Variants in SEMA5A observed in about 807,000 individuals in gnomAD.
SEMA5A encodes the protein semaphorin-5A.
In SEMA5A, 55 loss-of-function variants were observed where a neutral mutation model predicts 135.5. The observed-to-expected ratio is 0.41, with a 90% CI of 0.33 to 0.51. SEMA5A has a LOEUF of 0.51. SEMA5A is among the 20% of genes least tolerant of loss of function. The probability of loss-of-function intolerance (pLI) is 0.37; values close to 1 mark genes in which losing one functional copy is unlikely to be tolerated. For missense variants in SEMA5A, 1,290 were observed against 1,419.9 expected (o/e 0.91, Z 1.47); for synonymous variants, 580 against 546.5 (o/e 1.06, Z -0.85).
intron 13 of SEMA5A, among the ~76,000 whole-genome samples, chr5:9,130,700 T>G (rs1345293973): frequency 6.6e-6 from 1 of 152,234 alleles, no homozygotes; most frequent in African/African-American, 2.4e-5. Context: ...CTTAGTTCTC[T>G]TTTCTTTCTC....
At position 9,036,071 on chromosome 5, in the gene SEMA5A, A is replaced by G. The variant is rs1735639663; in HGVS notation, c.*6826T>C. The G allele has an allele frequency of 6.6e-6, 1 of 152,120 alleles. No homozygotes were observed. Among genetic ancestry groups the G allele is most frequent in the Non-Finnish European group, 1.5e-5 (1 of 68,018 alleles). 9.4% of individuals were successfully genotyped at this position (152,120 alleles called of 1,614,324 possible). ...ATTTGATAACATCTTTAAAAGTTAC[A>G]TCAAGCGGCATAGCACAAAAGTTTT... On this transcript the variant is annotated 3_prime_UTR_variant, in exon 23 of 23. Transcript: ENST00000382496.
intron 16 of SEMA5A, among the ~76,000 whole-genome samples, chr5:9,091,956 G>A (rs898188435): frequency 2.0e-5 from 3 of 152,198 alleles, no homozygotes; most frequent in Non-Finnish European, 2.9e-5. Context: ...CATGTACAAG[G>A]AGCTTAAAGT....
rs1561208371 is a variant in SEMA5A at position 9,384,679 on chromosome 5, G to GATAGATAGAT, written c.-77-4666_-77-4657dup. Among the ~76,000 whole-genome samples, 149 of 90,598 alleles carry GATAGATAGAT rather than the reference G, an allele frequency of 1.6e-3. 13 individuals are homozygous for GATAGATAGAT. The highest frequency in any genetic ancestry group is 7.1e-3 in the East Asian group (21 of 2,948). 59.4% of individuals were successfully genotyped at this position (90,598 alleles called of 152,430 possible). On this transcript the variant is annotated intron_variant, in intron 2 of 22. Transcript: ENST00000382496. The stretch of plus-strand genomic sequence containing the variant: ...AGATAGATATAGATAGATAGATATA[G>GATAGATAGAT]ATAGATAGATAGATAGATAGATAGA...
chr5:9,131,279 T>C lies in SEMA5A; in HGVS notation c.1599+5225A>G, dbSNP rs561657572. The stretch of plus-strand genomic sequence containing the variant: ...AAAGGGGAGCAGATGTGTCACATGG[T>C]GAGAGAGAGAGTGAGAGATGCTAGG... On this transcript the variant is annotated intron_variant, in intron 13 of 22. Coordinates refer to ENST00000382496, the MANE Select transcript of SEMA5A (RefSeq NM_003966.3). Among the ~76,000 whole-genome samples the C allele has an allele frequency of 4.6e-5, 7 of 151,876 alleles. No individual in the cohort carries two copies. In the South Asian group the frequency reaches 1.5e-3, roughly 32 times the overall value.
At chr5:9,462,094 C>T (rs1281056535) in intron 1 of SEMA5A, among the ~76,000 whole-genome samples, 1 of 152,186 alleles carries the variant, frequency 6.6e-6, no homozygotes, top group African/African-American at 2.4e-5. Flanking sequence ...CTTTCTCATA[C>T]TCGAGTTCTA....
At chr5:9,485,276 G>A (rs1393173312) in intron 1 of SEMA5A, among the ~76,000 whole-genome samples, 2 of 151,652 alleles carry the variant, frequency 1.3e-5, no homozygotes, top group African/African-American at 4.9e-5. Flanking sequence ...AAAAATAGAT[G>A]TGTTTAACGA....
intron 5 of SEMA5A, among the ~76,000 whole-genome samples, chr5:9,269,144 C>CCTCT (rs1280123616): frequency 6.6e-6 from 1 of 152,022 alleles, no homozygotes; most frequent in Non-Finnish European, 1.5e-5. Flanking sequence ...GAGCCTCATG[C>CCTCT]CTCTAATTTG....
At chr5:9,491,609 G>C (rs1473303234) in intron 1 of SEMA5A, among the ~76,000 whole-genome samples, 1 of 152,076 alleles carries the variant, frequency 6.6e-6, no homozygotes, top group East Asian at 1.9e-4. Context: ...ATTAAAGTCA[G>C]GTTTAGATTT....
At chr5:9,196,246 G>C (rs1269939093) in intron 10 of SEMA5A, among the ~76,000 whole-genome samples, 1 of 152,232 alleles carries the variant, frequency 6.6e-6, no homozygotes, top group Non-Finnish European at 1.5e-5. Context: ...TGTATATGGA[G>C]ATGGGGTCTT....
chr5:9,270,275 T>C (rs547320258), intron 5 of SEMA5A, among the ~76,000 whole-genome samples: 1 of 152,222 alleles, frequency 6.6e-6, no homozygotes, highest in Non-Finnish European at 1.5e-5. Context: ...TCACACCTTG[T>C]TTTCTTCATG....
At chr5:9,139,670 C>T (rs11742994) in intron 12 of SEMA5A, among the ~76,000 whole-genome samples, 4,100 of 152,250 alleles carry the variant, frequency 0.027, 82 homozygotes, top group Middle Eastern at 0.058. Context: ...GCAGCCCTCT[C>T]TGAGTAATAT....
chr5:9,410,315 A>G, intron 2 of SEMA5A, among the ~76,000 whole-genome samples: 1 of 152,224 alleles, frequency 6.6e-6, no homozygotes, highest in East Asian at 1.9e-4. Flanking sequence ...ATAAATTGTC[A>G]TTCTCATTAC....
chr5:9,294,589 C>T (rs868497281), intron 5 of SEMA5A, among the ~76,000 whole-genome samples: 5 of 152,160 alleles, frequency 3.3e-5, no homozygotes, highest in Admixed American at 3.3e-4. Flanking sequence ...AAAACTCTCC[C>T]TAGATTTACT....
intron 10 of SEMA5A, among the ~76,000 whole-genome samples, chr5:9,195,036 TTAA>T (rs1252759296): frequency 6.6e-6 from 1 of 152,224 alleles, no homozygotes; most frequent in Non-Finnish European, 1.5e-5. Context: ...GTAAGCATTA[TTAA>T]TTATTTAACC....
chr5:9,449,464 G>A (rs761196967), intron 1 of SEMA5A, among the ~76,000 whole-genome samples: 19 of 152,018 alleles, frequency 1.2e-4, no homozygotes, highest in Non-Finnish European at 2.4e-4. Context: ...AATGGATGCT[G>A]GGCTTAATAC....
intron 11 of SEMA5A, among the ~76,000 whole-genome samples, chr5:9,177,248 T>C (rs752931043): frequency 6.6e-5 from 10 of 152,142 alleles, no homozygotes; most frequent in Non-Finnish European, 1.3e-4. Flanking sequence ...GCTGCTGAAG[T>C]CTCTTTGGAA....
At chr5:9,280,831 T>G (rs1477749272) in intron 5 of SEMA5A, 1 of 429,762 alleles carries the variant, frequency 2.3e-6, no homozygotes, top group East Asian at 7.2e-5. Context: ...GTTCCAATTA[T>G]GAATAAAATG....
intron 3 of SEMA5A, among the ~76,000 whole-genome samples, chr5:9,340,149 C>T (rs1753579003): frequency 6.6e-6 from 1 of 152,186 alleles, no homozygotes; most frequent in Non-Finnish European, 1.5e-5. Context: ...CATTGTTAAA[C>T]ATCGCTAAGA....
intron 5 of SEMA5A, among the ~76,000 whole-genome samples, chr5:9,254,356 A>G (rs1276732338): frequency 1.3e-5 from 2 of 152,212 alleles, no homozygotes; most frequent in Non-Finnish European, 2.9e-5. Flanking sequence ...AGGATTACAC[A>G]GCGATGCCCA....
Sources: allele counts gnomAD v4.1 joint callset (sites outside exome capture counted in the v4.1 genomes callset), GRCh38; gene constraint gnomAD v4.1.1; transcripts MANE v1.5; gene names NCBI Gene and HGNC (gene_info 2026-07-23, HGNC 2026-07-21).